Variants in ZNF33B observed in about 807,000 individuals in gnomAD.
ZNF33B encodes zinc finger protein 11b (KOX 2).
ZNF33B carries 29 observed loss-of-function variants against 45.8 expected under a neutral mutation model. The observed-to-expected ratio is 0.63, with a 90% CI of 0.47 to 0.86. ZNF33B has a LOEUF of 0.86. Ranked by LOEUF, ZNF33B falls within the 40% of genes least tolerant of loss-of-function variation. ZNF33B has a pLI of 0.00. For synonymous variants in ZNF33B, 305 were observed against 307.8 expected (o/e 0.99, Z 0.10); for missense variants, 831 against 909.9 (o/e 0.91, Z 1.12).
intron 4 of ZNF33B, chr10:42,605,145 C>G (rs1837785199): frequency 6.6e-6 from 1 of 150,992 alleles, no homozygotes; most frequent in Non-Finnish European, 1.5e-5. Context: ...AAAAAATATT[C>G]AAACGAATGG....
chr10:42,608,053 CT>C (rs1428772448), intron 4 of ZNF33B, among the ~76,000 whole-genome samples: 1 of 151,996 alleles, frequency 6.6e-6, no homozygotes, highest in African/African-American at 2.4e-5. Flanking sequence ...AGTAGCTATC[CT>C]AATATCACAC....
At chr10:42,626,726 A>T (rs376766465) in intron 4 of ZNF33B, among the ~76,000 whole-genome samples, 2 of 128,460 alleles carry the variant, frequency 1.6e-5, no homozygotes, top group Non-Finnish European at 3.6e-5. Flanking sequence ...AATAAATAAA[A>T]TAAAGAAATG....
intron 4 of ZNF33B, among the ~76,000 whole-genome samples, chr10:42,603,768 ACACAGCAAT>A (rs1185330956): frequency 6.7e-6 from 1 of 150,334 alleles, no homozygotes; most frequent in Non-Finnish European, 1.5e-5. Flanking sequence ...AGACAGGCTA[ACACAGCAAT>A]CACAGAAAGA....
In ZNF33B at chr10:42,623,406, A is replaced by G. The variant is rs1361412391; in HGVS notation, c.250+8523T>C. On this transcript the variant is annotated intron_variant, in intron 4 of 4. Coordinates refer to ENST00000359467, the MANE Select transcript of ZNF33B (RefSeq NM_006955.3). Reference sequence around the variant, plus strand: ...ATGAAAACAGGAACTTTGAGCAGATAATGATATACCAGTGTTCACTGAAGC... The same window carrying G: ...ATGAAAACAGGAACTTTGAGCAGATGATGATATACCAGTGTTCACTGAAGC... Among the ~76,000 whole-genome samples the G allele has an allele frequency of 2.0e-5, 3 of 152,250 alleles. No individual in the cohort carries two copies. The East Asian group carries it at 5.8e-4, about 29-fold the overall frequency.
chr10:42,601,717 C>A lies in ZNF33B; in HGVS notation c.251-7018G>T, dbSNP rs532324725. Among the ~76,000 whole-genome samples, 16 of 151,930 alleles carry A rather than the reference C, an allele frequency of 1.1e-4. 2 individuals are homozygous for A. In the South Asian group the frequency reaches 3.1e-3, roughly 30 times the overall value. The stretch of plus-strand genomic sequence containing the variant: ...TGGATCCCTTGATCTCGTGATCCAC[C>A]CACCTTGGCTTCTCAAAGTGCTGGG... On this transcript the variant is annotated intron_variant, in intron 4 of 4. Transcript: ENST00000359467.
rs569439407 is a variant in ZNF33B at position 42,577,101 on chromosome 10, C to A, written c.74-2423G>T. ...TGAGCTGAGATCGTGCCATTGCACT[C>A]CAGTCTGGGTGACGGAGCAAGACTC... On this transcript the variant is annotated intron_variant, in intron 1 of 1. Transcript: ENST00000462075. Among the ~76,000 whole-genome samples, 10 of 139,632 alleles carry A rather than the reference C, an allele frequency of 7.2e-5. No homozygotes were observed. The South Asian group carries it at 1.3e-3, about 19-fold the overall frequency. 91.6% of individuals were successfully genotyped at this position (139,632 alleles called of 152,430 possible).
At chr10:42,624,179 G>A (rs1382765074) in intron 4 of ZNF33B, among the ~76,000 whole-genome samples, 3 of 152,124 alleles carry the variant, frequency 2.0e-5, no homozygotes, top group East Asian at 1.9e-4. Context: ...CTCATCGTGA[G>A]GGCCCCACCC....
chr10:42,586,609 T>C (rs1449650346), downstream of ZNF33B, among the ~76,000 whole-genome samples: 2 of 152,192 alleles, frequency 1.3e-5, no homozygotes, highest in Non-Finnish European at 2.9e-5. Context: ...CCACCTCACA[T>C]ACACATAGGC....
rs758294973 is a variant in ZNF33B at position 42,592,801 on chromosome 10, C to T, written c.2149G>A (p.Gly717Arg). 6.2e-7 allele frequency: 1 copy of T among 1,614,092 alleles called. No homozygotes were observed. Among genetic ancestry groups the T allele is most frequent in the Non-Finnish European group, 8.5e-7 (1 of 1,179,996 alleles). The stretch of plus-strand genomic sequence containing the variant: ...TCATTACACTGACAAGATTTCTCTC[C>T]TGTGTGAGCCCTGTGATGTACTGTG... The part of the protein sequence containing the change: ...SLTVHHRAHT[G>R]EKSCQCNECG... Residue 717 changes from glycine (G) to arginine (R), a missense_variant, in exon 5 of 5, where the codon GGA becomes AGA. By Grantham distance (125) the Gly-to-Arg change is moderately radical (BLOSUM62 -2). Transcript: ENST00000359467.
At chr10:42,588,179 C>T (rs905894663), downstream of ZNF33B, among the ~76,000 whole-genome samples, 12 of 152,184 alleles carry the variant, frequency 7.9e-5, no homozygotes, top group African/African-American at 1.4e-4. Flanking sequence ...CAGGTGGGAG[C>T]CTCAGAGACC....
At chr10:42,611,306 A>C (rs1468935573) in intron 4 of ZNF33B, among the ~76,000 whole-genome samples, 3 of 152,036 alleles carry the variant, frequency 2.0e-5, no homozygotes, top group Non-Finnish European at 2.9e-5. Flanking sequence ...ATGCCACTGC[A>C]CTCCAGCCTG....
At chr10:42,626,855 G>GT (rs1019213234) in intron 4 of ZNF33B, among the ~76,000 whole-genome samples, 3 of 151,914 alleles carry the variant, frequency 2.0e-5, no homozygotes, top group Non-Finnish European at 4.4e-5. Context: ...TTTTTTGGAG[G>GT]TTTTTTATTT....
rs1327962008 is a variant in ZNF33B, at chr10:42,590,189, TTCCTTTCTTGTAATG to T, written c.*2409_*2423del. The T allele has an allele frequency of 7.2e-5, 8 of 111,502 alleles. No individual in the cohort carries two copies. The highest frequency in any genetic ancestry group is 6.8e-4 in the Admixed American group (7 of 10,328). The allele number at this position is 111,502 out of a possible 1,614,324, so 6.9% of individuals were successfully genotyped here. A position where few individuals can be genotyped will look rare whatever the true frequency, so the allele number is the denominator to read the frequency against. ...TCACTGGAAATATTGATCTGTAGTT[TTCCTTTCTTGTAATG>T]TTTTTGCCTGGCTTTGGTATTAGGG... On this transcript the variant is annotated 3_prime_UTR_variant, in exon 5 of 5. Coordinates refer to ENST00000359467, the MANE Select transcript of ZNF33B (RefSeq NM_006955.3).
At position 42,593,001 on chromosome 10, in the gene ZNF33B, G is replaced by A; in HGVS notation, c.1949C>T (p.Ser650Leu). Residue 650 changes from serine (S) to leucine (L), a missense_variant, in exon 5 of 5, where the codon TCA (serine) becomes TTA (leucine). Physicochemically the swap from Ser to Leu is moderately radical, Grantham distance 145. Coordinates refer to ENST00000359467, the MANE Select transcript of ZNF33B (RefSeq NM_006955.3). ...GGTTCTCTGATGTACAATTAGAGCT[G>A]ACTTATGGCAGAAAGCTTTTCCACA... ...NECGKAFCHK[S>L]ALIVHQRTHT... 6.2e-7 allele frequency: 1 copy of A among 1,614,032 alleles called. No homozygotes were observed. Among genetic ancestry groups the A allele is most frequent in the East Asian group, 2.2e-5 (1 of 44,854 alleles).
intron 4 of ZNF33B, among the ~76,000 whole-genome samples, chr10:42,616,413 G>A (rs1294612413): frequency 6.6e-6 from 1 of 152,024 alleles, no homozygotes; most frequent in African/African-American, 2.4e-5. Flanking sequence ...CAACTGATAT[G>A]CATTGTTCTT....
At chr10:42,617,562 C>T (rs1420734360) in intron 4 of ZNF33B, among the ~76,000 whole-genome samples, 2 of 152,154 alleles carry the variant, frequency 1.3e-5, no homozygotes, top group African/African-American at 4.8e-5. Flanking sequence ...ATTCAGATTT[C>T]ACAAGTTTCA....
intron 4 of ZNF33B, among the ~76,000 whole-genome samples, chr10:42,604,889 C>A (rs158374): frequency 0.03 from 4,538 of 151,504 alleles, 195 homozygotes; most frequent in East Asian, 0.13. Flanking sequence ...CCACTGCACT[C>A]CAGCTTGGGC....
intron 4 of ZNF33B, 161 bp downstream of exon 4, chr10:42,631,768 T>C (rs1839065683): frequency 9.3e-6 from 6 of 648,020 alleles, no homozygotes; most frequent in Non-Finnish European, 1.6e-5. Flanking sequence ...GAGTAGTATC[T>C]GGAGGTTTGA....
chr10:42,625,973 A>G (rs1564524090), intron 4 of ZNF33B, among the ~76,000 whole-genome samples: 1 of 152,254 alleles, frequency 6.6e-6, no homozygotes, highest in Non-Finnish European at 1.5e-5. Flanking sequence ...CCAGTTTTAC[A>G]GAGAAAACAT....
Sources: gnomAD v4.1 joint callset for allele counts (sites outside exome capture counted in the v4.1 genomes callset) on GRCh38, gnomAD v4.1.1 for gene constraint, MANE v1.5 for transcripts, NCBI Gene and HGNC (gene_info 2026-07-23, HGNC 2026-07-21) for gene names.